MAF: variants seen among roughly 807,000 people sequenced by gnomAD.
MAF encodes the protein MAF bZIP transcription factor.
A neutral mutation model predicts 22.0 loss-of-function variants in MAF; 10 were observed. The ratio of observed to expected loss-of-function variants is 0.45; its 90% confidence interval spans 0.28 to 0.77. The LOEUF (loss-of-function observed/expected upper bound fraction) is 0.77. MAF is among the 30% of genes least tolerant of loss of function. The pLI, the probability that MAF is intolerant of heterozygous loss-of-function variation, is 0.12. For missense variants in MAF, 544 were observed against 548.4 expected, an observed-to-expected ratio of 0.99 and a Z score of 0.08; for synonymous variants, 337 against 255.8, an observed-to-expected ratio of 1.32 and a Z score of -3.03.
At chr16:79,351,819 A>G in the MAF span, among the ~76,000 whole-genome samples, 1 of 152,134 alleles carries the variant, frequency 6.6e-6, no homozygotes, top group South Asian at 2.1e-4. Context: ...TTGTTGCCTC[A>G]ACACATTGCT....
chr16:79,555,825 G>T, the MAF span, among the ~76,000 whole-genome samples: 1 of 152,126 alleles, frequency 6.6e-6, no homozygotes, highest in Admixed American at 6.5e-5. Flanking sequence ...CTACCAAACA[G>T]ATAACACAGA....
chr16:79,227,629 T>C, the MAF span, among the ~76,000 whole-genome samples: 1 of 151,852 alleles, frequency 6.6e-6, no homozygotes, highest in South Asian at 2.1e-4. Context: ...AACCCCATTC[T>C]ACGTTTTGTT....
chr16:79,537,226 C>T, the MAF span, among the ~76,000 whole-genome samples: 1 of 152,296 alleles, frequency 6.6e-6, no homozygotes, highest in East Asian at 1.9e-4. Flanking sequence ...ACTCGAACAT[C>T]CTGTTCCAAC....
the MAF span, among the ~76,000 whole-genome samples, chr16:79,213,079 C>T: frequency 2.0e-5 from 3 of 152,202 alleles, no homozygotes; most frequent in East Asian, 1.9e-4. Flanking sequence ...TGCAGAAGCT[C>T]TTATCTGCGC....
chr16:79,508,017 G>A, the MAF span, among the ~76,000 whole-genome samples: 2 of 152,216 alleles, frequency 1.3e-5, no homozygotes, highest in Admixed American at 1.3e-4. Context: ...GTGGATCAGA[G>A]CAGAGCAGGA....
chr16:79,211,034 A>AGTGTGTGTGTGTGTGTGTGTGTGTGT, the MAF span, among the ~76,000 whole-genome samples: 10 of 149,602 alleles, frequency 6.7e-5, no homozygotes, highest in East Asian at 2.0e-4. Context: ...TATGGTGAGG[A>AGTGTGTGTGTGTGTGTGTGTGTGTGT]GTGTGTGTGT....
chr16:79,211,678 T>A, the MAF span: 2 of 1,614,060 alleles, frequency 1.2e-6, no homozygotes, highest in Non-Finnish European at 1.7e-6. Flanking sequence ...GGGATGTACT[T>A]CAACAACTGC....
At chr16:79,588,383 C>T (rs934162267) in intron 1 of MAF, among the ~76,000 whole-genome samples, 3 of 152,160 alleles carry the variant, frequency 2.0e-5, no homozygotes, top group South Asian at 4.1e-4. Context: ...GTCTGCCTTT[C>T]GGATCATTTT....
At chr16:79,408,802 A>G in the MAF span, among the ~76,000 whole-genome samples, 46 of 152,350 alleles carry the variant, frequency 3.0e-4, no homozygotes, top group Admixed American at 3.3e-4. Context: ...ACAGAAAAGA[A>G]TAAGGGGAAT....
downstream of MAF, among the ~76,000 whole-genome samples, chr16:79,582,150 A>G (rs925167458): frequency 6.6e-6 from 1 of 152,214 alleles, no homozygotes; most frequent in Non-Finnish European, 1.5e-5. Flanking sequence ...TGATAATTTC[A>G]TTAGGTGTCA....
the MAF span, among the ~76,000 whole-genome samples, chr16:79,222,333 G>C: frequency 6.6e-6 from 1 of 152,186 alleles, no homozygotes; most frequent in East Asian, 1.9e-4. Flanking sequence ...AGCTCCTGAA[G>C]AAAGCACTAA....
the MAF span, among the ~76,000 whole-genome samples, chr16:79,377,885 A>C: frequency 1.3e-5 from 2 of 152,204 alleles, no homozygotes; most frequent in East Asian, 3.9e-4. Flanking sequence ...CCATTGGTCT[A>C]TATCTCTGTT....
the MAF span, among the ~76,000 whole-genome samples, chr16:79,456,668 C>T: frequency 6.6e-6 from 1 of 152,150 alleles, no homozygotes; most frequent in African/African-American, 2.4e-5. Flanking sequence ...TCATCTTGAG[C>T]TGAGCAAGTG....
chr16:79,538,667 G>A, the MAF span, among the ~76,000 whole-genome samples: 4 of 151,994 alleles, frequency 2.6e-5, no homozygotes, highest in African/African-American at 9.6e-5. Context: ...ATAAATTGCT[G>A]GGAGAAATCA....
chr16:79,586,414 C>T (rs977916491), intron 1 of MAF, among the ~76,000 whole-genome samples: 3 of 152,194 alleles, frequency 2.0e-5, no homozygotes, highest in African/African-American at 7.2e-5. Flanking sequence ...CATCTGCCCC[C>T]ACCTCCTCTG....
chr16:79,556,010 TGTTA>T, the MAF span, among the ~76,000 whole-genome samples: 1 of 99,120 alleles, frequency 1.0e-5, no homozygotes, highest in Non-Finnish European at 2.7e-5. Flanking sequence ...TAGTTTGTTT[TGTTA>T]GTTTAGTTTA....
the MAF span, among the ~76,000 whole-genome samples, chr16:79,242,376 A>T: frequency 6.6e-6 from 1 of 151,442 alleles, no homozygotes; most frequent in Non-Finnish European, 1.5e-5. Flanking sequence ...CAAAAAAAAA[A>T]GAAAAAAAAA....
At chr16:79,208,742 C>T in the MAF span, among the ~76,000 whole-genome samples, 2 of 151,818 alleles carry the variant, frequency 1.3e-5, no homozygotes, top group South Asian at 2.1e-4. Flanking sequence ...ATATGTAGGC[C>T]GAAAAGCTGG....
chr16:79,499,239 C>T, the MAF span, among the ~76,000 whole-genome samples: 1 of 152,174 alleles, frequency 6.6e-6, no homozygotes, highest in Non-Finnish European at 1.5e-5. Context: ...ATCAGCTGTG[C>T]TCCAACCTGC....
Sources: gnomAD v4.1 joint callset for allele counts (sites outside exome capture counted in the v4.1 genomes callset) on GRCh38, gnomAD v4.1.1 for gene constraint, MANE v1.5 for transcripts, NCBI Gene and HGNC (gene_info 2026-07-23, HGNC 2026-07-21) for gene names.